DCHS2: variants seen among roughly 807,000 people sequenced by gnomAD.
DCHS2 encodes the protein protocadherin-23.
Under a neutral mutation model 182.4 loss-of-function variants are expected in DCHS2, and 142 were observed. That is an observed-to-expected ratio of 0.78 (90% CI 0.68 to 0.89). DCHS2 has a LOEUF of 0.89. DCHS2 is among the 40% of genes least tolerant of loss of function. DCHS2 has a pLI of 0.00. For missense variants in DCHS2, 4,319 were observed against 4,198.6 expected, an observed-to-expected ratio of 1.03 and a Z score of -0.79; for synonymous variants, 1,740 against 1,663.3, an observed-to-expected ratio of 1.05 and a Z score of -1.12.
chr4:154,355,104 T>C (rs1033050988), intron 3 of DCHS2, among the ~76,000 whole-genome samples: 1 of 152,112 alleles, frequency 6.6e-6, no homozygotes, highest in African/African-American at 2.4e-5. Context: ...AAAATGAGGC[T>C]GAGACCTATT....
intron 12 of DCHS2, among the ~76,000 whole-genome samples, chr4:154,300,510 C>CAAAAA (rs61371659): frequency 2.8e-5 from 3 of 108,120 alleles, no homozygotes; most frequent in African/African-American, 6.4e-5. Flanking sequence ...CTCATCTCTA[C>CAAAAA]AAAAAAAAAA....
At chr4:154,352,466 T>C (rs903508214) in intron 3 of DCHS2, 1 of 152,208 alleles carries the variant, frequency 6.6e-6, no homozygotes, top group Non-Finnish European at 1.5e-5. Flanking sequence ...TCTTTGTAAA[T>C]GTTCCCAATT....
At chr4:154,267,606 G>A (rs769976465) in intron 14 of DCHS2, among the ~76,000 whole-genome samples, 30 of 152,292 alleles carry the variant, frequency 2.0e-4, no homozygotes, top group Middle Eastern at 3.4e-3. Context: ...ATGTCCTGCA[G>A]TGTTGCCACA....
At chr4:154,240,165 T>C (rs1455915952) in intron 18 of DCHS2, among the ~76,000 whole-genome samples, 1 of 152,146 alleles carries the variant, frequency 6.6e-6, no homozygotes, top group Admixed American at 6.6e-5. Flanking sequence ...AAAATTTTAA[T>C]CAATGCATTC....
chr4:154,445,562 G>T (rs1490659), intron 1 of DCHS2, among the ~76,000 whole-genome samples: 46,308 of 152,052 alleles, frequency 0.3, 8,125 homozygotes, highest in South Asian at 0.47. Flanking sequence ...TGATCCCAGT[G>T]CTTTGGGAGG....
chr4:154,466,862 A>G (rs534132127), intron 1 of DCHS2, among the ~76,000 whole-genome samples: 1 of 152,336 alleles, frequency 6.6e-6, no homozygotes, highest in Admixed American at 6.5e-5. Context: ...CTTAAGGTTT[A>G]ACTAGATTTT....
intron 3 of DCHS2, among the ~76,000 whole-genome samples, chr4:154,357,637 G>A (rs1332408600): frequency 2.0e-5 from 3 of 152,116 alleles, no homozygotes; most frequent in Non-Finnish European, 4.4e-5. Flanking sequence ...CACTTGCAAT[G>A]TATTTTCATA....
intron 5 of DCHS2, chr4:154,331,458 T>C: frequency 1.9e-6 from 2 of 1,050,464 alleles, no homozygotes; most frequent in Non-Finnish European, 2.7e-6. Flanking sequence ...CATATAGCTG[T>C]ATGGTTTGTG....
At chr4:154,276,677 C>T (rs6823054) in intron 13 of DCHS2, among the ~76,000 whole-genome samples, 19,087 of 152,178 alleles carry the variant, frequency 0.13, 3,831 homozygotes, top group African/African-American at 0.42. Flanking sequence ...TTAAGAAAAG[C>T]CTGGAGTGAC....
chr4:154,363,582 G>T (rs1334698364), intron 3 of DCHS2, among the ~76,000 whole-genome samples: 1 of 152,136 alleles, frequency 6.6e-6, no homozygotes, highest in Non-Finnish European at 1.5e-5. Context: ...GTTGCCCAAA[G>T]GTTACAAAGG....
At chr4:154,384,568 C>G in intron 1 of DCHS2, 3 of 1,507,998 alleles carry the variant, frequency 2.0e-6, no homozygotes, top group Non-Finnish European at 2.7e-6. Context: ...GTAGTGAGTA[C>G]TACCTTATAT....
chr4:154,307,815 T>C (rs1335753133), intron 10 of DCHS2, among the ~76,000 whole-genome samples: 3 of 152,174 alleles, frequency 2.0e-5, no homozygotes, highest in African/African-American at 7.2e-5. Flanking sequence ...TCAGGTCTCC[T>C]ACCCGACCAC....
chr4:154,398,981 G>T (rs569096793), intron 1 of DCHS2, among the ~76,000 whole-genome samples: 17 of 152,292 alleles, frequency 1.1e-4, no homozygotes, highest in African/African-American at 3.8e-4. Context: ...CTTCTCACTA[G>T]GTCTAAGGGA....
chr4:154,273,973 G>A (rs1367585546), intron 13 of DCHS2, among the ~76,000 whole-genome samples: 1 of 152,138 alleles, frequency 6.6e-6, no homozygotes, highest in East Asian at 1.9e-4. Flanking sequence ...AGGAAAGTAA[G>A]AGGAAACATC....
chr4:154,307,750 C>A (rs1392415234), intron 10 of DCHS2, among the ~76,000 whole-genome samples: 2 of 152,150 alleles, frequency 1.3e-5, no homozygotes, highest in Non-Finnish European at 2.9e-5. Flanking sequence ...GAGACAACTG[C>A]AGTGCTGTTG....
At position 154,333,030 on chromosome 4, in the gene DCHS2, C is replaced by A; in HGVS notation, c.3178G>T (p.Val1060Leu). ...TLTLRAEDQGVHPQAALLVLT... is the reference protein window; with the variant it reads ...TLTLRAEDQGLHPQAALLVLT... ...ACCAGCAGGGCTGCCTGAGGATGCA[C>A]GCCTTGGTCCTCGGCCCTGAGAGTC... is the stretch of plus-strand genomic sequence containing the variant. The change falls in exon 5 of 20, where the codon GTG (valine) becomes TTG (leucine). Residue 1060 changes from valine (V) to leucine (L), a missense_variant. Val to Leu is a conservative substitution (Grantham distance 32, BLOSUM62 1). Coordinates refer to ENST00000357232, the MANE Select transcript of DCHS2 (RefSeq NM_001358235.2). The A allele has an allele frequency of 6.2e-7, 1 of 1,614,134 alleles. No individual in the cohort carries two copies. Among genetic ancestry groups the A allele is most frequent in the Non-Finnish European group, 8.5e-7 (1 of 1,179,994 alleles).
At chr4:154,237,507 C>A in intron 19 of DCHS2, 1 of 180,862 alleles carries the variant, frequency 5.5e-6, no homozygotes. Context: ...TTCTACTACC[C>A]ACAAACACAT....
intron 6 of DCHS2, among the ~76,000 whole-genome samples, chr4:154,328,655 A>G (rs962017468): frequency 6.6e-6 from 1 of 152,222 alleles, no homozygotes; most frequent in Non-Finnish European, 1.5e-5. Context: ...GTTGAAATGC[A>G]CATGTGAAGT....
At chr4:154,285,580 TA>T (rs1734357892) in intron 13 of DCHS2, among the ~76,000 whole-genome samples, 1 of 152,044 alleles carries the variant, frequency 6.6e-6, no homozygotes, top group African/African-American at 2.4e-5. Context: ...GAGTGAACAT[TA>T]GCAGTAGCCA....
Sources: allele counts gnomAD v4.1 joint callset (sites outside exome capture counted in the v4.1 genomes callset), GRCh38; gene constraint gnomAD v4.1.1; transcripts MANE v1.5; gene names NCBI Gene and HGNC (gene_info 2026-07-23, HGNC 2026-07-21).